ENOX1: variants seen among roughly 807,000 people sequenced by gnomAD.
ENOX1 encodes candidate growth-related and time keeping constitutive hydroquinone (NADH) oxidase.
A neutral mutation model predicts 82.5 loss-of-function variants in ENOX1; 42 were observed. That is an observed-to-expected ratio of 0.51 (90% CI 0.40 to 0.66). ENOX1 has a LOEUF of 0.66. Among genes scored for constraint, ENOX1 ranks in the 30% least tolerant of loss-of-function variants. The pLI is 0.00. For synonymous variants in ENOX1, 271 were observed against 282.2 expected, an observed-to-expected ratio of 0.96 and a Z score of 0.40; for missense variants, 608 against 811.6, an observed-to-expected ratio of 0.75 and a Z score of 3.05.
At chr13:43,256,169 C>T (rs1351281525) in intron 14 of ENOX1, among the ~76,000 whole-genome samples, 2 of 152,086 alleles carry the variant, frequency 1.3e-5, no homozygotes, top group African/African-American at 4.8e-5. Context: ...GGATTAAATA[C>T]GTAAATGTAA....
chr13:43,568,841 C>CAATTTTT (rs2080041663), intron 2 of ENOX1, among the ~76,000 whole-genome samples: 1 of 152,072 alleles, frequency 6.6e-6, no homozygotes, highest in African/African-American at 2.4e-5. Flanking sequence ...TTTCAAAAGC[C>CAATTTTT]AATTTTTATC....
At chr13:43,584,994 C>T (rs1270234505) in intron 2 of ENOX1, among the ~76,000 whole-genome samples, 3 of 152,192 alleles carry the variant, frequency 2.0e-5, no homozygotes, top group Middle Eastern at 3.2e-3. Context: ...AAGATGTGAA[C>T]GTCCTAATCC....
At chr13:43,400,355 A>T (rs191563840) in intron 5 of ENOX1, among the ~76,000 whole-genome samples, 15 of 152,284 alleles carry the variant, frequency 9.9e-5, no homozygotes. Context: ...CCTCCACCTG[A>T]GTTACCAAAT....
intron 2 of ENOX1, among the ~76,000 whole-genome samples, chr13:43,493,846 ACTGCTCGAGG>A (rs2076704429): frequency 6.6e-6 from 1 of 152,174 alleles, no homozygotes; most frequent in Admixed American, 6.6e-5. Context: ...GCTACAAAGA[ACTGCTCGAGG>A]CTGGGTAATT....
rs2153707455 is a variant in ENOX1, at chr13:43,565,150, C to T, written c.-218-80998G>A. ...AGGTGCTGTCATGGGGTGGAAGGCC[C>T]CTCTGAGGAAGTGATATCTGAGTTG... On this transcript the variant is annotated intron_variant, in intron 2 of 16. Coordinates refer to ENST00000690772, the MANE Select transcript of ENOX1 (RefSeq NM_001347969.2). Among the ~76,000 whole-genome samples the T allele has an allele frequency of 1.3e-5, 2 of 152,090 alleles. 1 individual carries two copies. The highest frequency in any genetic ancestry group is 4.2e-4 in the South Asian group (2 of 4,808).
intron 3 of ENOX1, among the ~76,000 whole-genome samples, chr13:43,429,305 C>T (rs2055521441): frequency 6.6e-6 from 1 of 152,212 alleles, no homozygotes; most frequent in Non-Finnish European, 1.5e-5. Context: ...TAGATAGGCC[C>T]TCTGAAAGAA....
intron 15 of ENOX1, among the ~76,000 whole-genome samples, chr13:43,235,100 T>C (rs2042468000): frequency 6.6e-6 from 1 of 152,220 alleles, no homozygotes; most frequent in Non-Finnish European, 1.5e-5. Context: ...AGAGAAACAG[T>C]TGTCAGACTT....
chr13:43,314,951 T>G (rs1470598847), intron 11 of ENOX1, among the ~76,000 whole-genome samples: 2 of 152,196 alleles, frequency 1.3e-5, no homozygotes, highest in Admixed American at 1.3e-4. Context: ...GAATACAAAC[T>G]TATTTGTTCT....
chr13:43,714,252 A>T (rs1049456786), intron 1 of ENOX1, among the ~76,000 whole-genome samples: 1 of 152,094 alleles, frequency 6.6e-6, no homozygotes, highest in Non-Finnish European at 1.5e-5. Flanking sequence ...CCCGAGTTCT[A>T]GTTTGATTGC....
intron 2 of ENOX1, among the ~76,000 whole-genome samples, chr13:43,498,234 T>C (rs1053042711): frequency 1.3e-5 from 2 of 152,084 alleles, no homozygotes; most frequent in Non-Finnish European, 2.9e-5. Context: ...GAGGCGGAAA[T>C]ATCTTAAACT....
chr13:43,544,379 C>T (rs1193535350), intron 2 of ENOX1: 14 of 152,162 alleles, frequency 9.2e-5, no homozygotes, highest in Admixed American at 8.5e-4. Context: ...TAGGCACTCA[C>T]TAAATGATAT....
intron 9 of ENOX1, 52 bp from the exon 10 acceptor site, chr13:43,326,577 T>C: frequency 1.4e-6 from 2 of 1,422,512 alleles, no homozygotes; most frequent in African/African-American, 1.4e-5. Context: ...TTGTGATCAC[T>C]ATAGGGAAGC....
chr13:43,542,132 T>A (rs1250624510), intron 2 of ENOX1, among the ~76,000 whole-genome samples: 1 of 152,042 alleles, frequency 6.6e-6, no homozygotes, highest in African/African-American at 2.4e-5. Flanking sequence ...AGCATAAGTG[T>A]CTTCTTCTTT....
At chr13:43,381,293 T>C (rs2052023487) in intron 5 of ENOX1, among the ~76,000 whole-genome samples, 1 of 151,596 alleles carries the variant, frequency 6.6e-6, no homozygotes, top group Non-Finnish European at 1.5e-5. Flanking sequence ...AAATAACACA[T>C]TTCTGAATAG....
chr13:43,582,177 T>C (rs2080775523), intron 2 of ENOX1, among the ~76,000 whole-genome samples: 1 of 151,970 alleles, frequency 6.6e-6, no homozygotes, highest in South Asian at 2.1e-4. Context: ...CTTCTGAAAA[T>C]TTTAAACTTC....
chr13:43,624,977 G>A (rs1312822644), intron 2 of ENOX1, among the ~76,000 whole-genome samples: 1 of 152,012 alleles, frequency 6.6e-6, no homozygotes, highest in African/African-American at 2.4e-5. Flanking sequence ...TCAGCTTGGG[G>A]AGAAGTGACA....
chr13:43,647,440 AG>A (rs1193527319), intron 2 of ENOX1, among the ~76,000 whole-genome samples: 1 of 152,192 alleles, frequency 6.6e-6, no homozygotes, highest in East Asian at 1.9e-4. Context: ...TTAGGAATTC[AG>A]GTGAACTTCC....
chr13:43,291,352 G>A (rs1221931743), intron 12 of ENOX1, among the ~76,000 whole-genome samples: 5 of 152,148 alleles, frequency 3.3e-5, no homozygotes, highest in Admixed American at 2.6e-4. Flanking sequence ...TCTAGAACAG[G>A]GAAACAGAAA....
intron 1 of ENOX1, among the ~76,000 whole-genome samples, chr13:43,720,535 G>A (rs796172885): frequency 5.9e-5 from 9 of 152,256 alleles, no homozygotes; most frequent in African/African-American, 1.9e-4. Context: ...CAGTGCTGGT[G>A]TTATGGGCAT....
Sources: allele counts gnomAD v4.1 joint callset (sites outside exome capture counted in the v4.1 genomes callset), GRCh38; gene constraint gnomAD v4.1.1; transcripts MANE v1.5; gene names NCBI Gene and HGNC (gene_info 2026-07-23, HGNC 2026-07-21).